The following MGMT variants were observed in gnomAD, a reference collection of about 807,000 sequenced individuals.
MGMT encodes O-6-methylguanine-DNA methyltransferase.
A neutral mutation model predicts 15.9 loss-of-function variants in MGMT; 14 were observed. The ratio of observed to expected loss-of-function variants is 0.88; its 90% confidence interval spans 0.58 to 1.37. The LOEUF (loss-of-function observed/expected upper bound fraction) is 1.37, where lower values mean the gene tolerates loss of function less well. Ranked by LOEUF, MGMT falls within the 40% of genes most tolerant of loss-of-function variation. The pLI, the probability that MGMT is intolerant of heterozygous loss-of-function variation, is 0.00. For missense variants in MGMT, 282 were observed against 268.1 expected, an observed-to-expected ratio of 1.05 and a Z score of -0.36; for synonymous variants, 130 against 118.2, an observed-to-expected ratio of 1.10 and a Z score of -0.65.
intron 3 of MGMT, among the ~76,000 whole-genome samples, chr10:129,718,140 C>G (rs1250689278): frequency 6.6e-6 from 1 of 152,180 alleles, no homozygotes; most frequent in Non-Finnish European, 1.5e-5. Flanking sequence ...GTTTTAAGGC[C>G]AGGACTTCTA....
At chr10:129,488,002 T>TACACACAC (rs1491199847) in intron 1 of MGMT, among the ~76,000 whole-genome samples, 4 of 75,786 alleles carry the variant, frequency 5.3e-5, no homozygotes, top group African/African-American at 1.3e-4. Flanking sequence ...CACACATAGG[T>TACACACAC]ATACACACAC....
At chr10:129,721,351 G>A (rs1194359022) in intron 3 of MGMT, among the ~76,000 whole-genome samples, 1 of 152,238 alleles carries the variant, frequency 6.6e-6, no homozygotes, top group South Asian at 2.1e-4. Flanking sequence ...AATTCCAGAG[G>A]TCTGCATGGT....
At chr10:129,541,998 C>G (rs1355975339) in intron 2 of MGMT, among the ~76,000 whole-genome samples, 2 of 152,122 alleles carry the variant, frequency 1.3e-5, no homozygotes, top group South Asian at 2.1e-4. Flanking sequence ...CTGGCCTGAC[C>G]CTAGACCCTC....
In MGMT at chr10:129,486,867, G is replaced by A. The variant is rs370703545; in HGVS notation, c.-13+19571G>A. 2.6e-3 allele frequency among the ~76,000 whole-genome samples: 393 copies of A among 152,352 alleles called. 1 individual carries two copies. The highest frequency in any genetic ancestry group is 9.0e-3 in the African/African-American group (376 of 41,582). On this transcript the variant is annotated intron_variant, in intron 1 of 4. Coordinates refer to ENST00000651593, the MANE Select transcript of MGMT (RefSeq NM_002412.5). ...AAATGAGACCAGACAGAAGAAGAGT[G>A]TATTCTTTCCTGCTAGAACTCGCAC...
intron 1 of MGMT, among the ~76,000 whole-genome samples, chr10:129,530,439 C>G (rs1845918135): frequency 6.6e-6 from 1 of 152,190 alleles, no homozygotes; most frequent in African/African-American, 2.4e-5. Flanking sequence ...ACATTTGTCT[C>G]CTTCCAGTTT....
At position 129,622,805 on chromosome 10, in the gene MGMT, A is replaced by G. The variant is rs553634284; in HGVS notation, c.126-85090A>G. Among the ~76,000 whole-genome samples, 132 of 151,152 alleles carry G rather than the reference A, an allele frequency of 8.7e-4. 1 individual carries two copies. The highest frequency in any genetic ancestry group is 1.9e-3 in the African/African-American group (76 of 40,650). ...ATAAATGGCCTGTAAAAAAAAAAAG[A>G]AAGTATTTAGAGTTAGTGAGTTGAG... On this transcript the variant is annotated intron_variant, in intron 2 of 4. Coordinates refer to ENST00000651593, the MANE Select transcript of MGMT (RefSeq NM_002412.5).
At chr10:129,613,767 T>C (rs1167367636) in intron 2 of MGMT, among the ~76,000 whole-genome samples, 2 of 152,224 alleles carry the variant, frequency 1.3e-5, no homozygotes, top group Non-Finnish European at 2.9e-5. Context: ...TGGGCGCCTC[T>C]GCCCAGCGTC....
chr10:129,534,079 G>A lies in MGMT; in HGVS notation c.-12-2162G>A, dbSNP rs139274588. On this transcript the variant is annotated intron_variant, in intron 1 of 4. Transcript: ENST00000651593. ...CATACGTTCCCTCTAAACTCGTGCC[G>A]ACGTTGTGATTTGGTCTGATTTATC... Among the ~76,000 whole-genome samples, 913 of 152,300 alleles carry A rather than the reference G, an allele frequency of 6.0e-3. 5 individuals are homozygous for A. Among genetic ancestry groups the A allele is most frequent in the Non-Finnish European group, 9.1e-3 (618 of 68,034 alleles).
chr10:129,756,359 G>A (rs1848805857), intron 3 of MGMT, among the ~76,000 whole-genome samples: 1 of 152,202 alleles, frequency 6.6e-6, no homozygotes, highest in Non-Finnish European at 1.5e-5. Flanking sequence ...GGTAAGAGAG[G>A]AACATCCAGA....
chr10:129,550,447 T>G (rs1199554102), intron 2 of MGMT, among the ~76,000 whole-genome samples: 2 of 57,460 alleles, frequency 3.5e-5, no homozygotes, highest in Non-Finnish European at 6.4e-5. Context: ...GTGTTTTGAT[T>G]CTTTTTTTTT....
chr10:129,513,849 G>A (rs1045888952), intron 1 of MGMT, among the ~76,000 whole-genome samples: 1 of 152,202 alleles, frequency 6.6e-6, no homozygotes, highest in Non-Finnish European at 1.5e-5. Context: ...TACAGTCAGT[G>A]TGCAGTAAGT....
intron 2 of MGMT, among the ~76,000 whole-genome samples, chr10:129,628,538 C>G (rs899569231): frequency 6.6e-6 from 1 of 152,120 alleles, no homozygotes; most frequent in Non-Finnish European, 1.5e-5. Context: ...TGTGCATCTC[C>G]GTGCTCACCT....
intron 1 of MGMT, among the ~76,000 whole-genome samples, chr10:129,522,228 A>C (rs1218290689): frequency 6.6e-6 from 1 of 152,196 alleles, no homozygotes; most frequent in Non-Finnish European, 1.5e-5. Flanking sequence ...TAGCATTTGT[A>C]GAATGCACCA....
intron 2 of MGMT, among the ~76,000 whole-genome samples, chr10:129,676,727 T>C (rs1847790244): frequency 6.7e-6 from 1 of 150,016 alleles, no homozygotes; most frequent in South Asian, 2.1e-4. Context: ...GGAAATGAAA[T>C]TTTCTATCTC....
intron 4 of MGMT, among the ~76,000 whole-genome samples, chr10:129,763,577 T>C (rs552154658): frequency 2.0e-5 from 3 of 152,274 alleles, no homozygotes; most frequent in East Asian, 3.9e-4. Flanking sequence ...CATAGCTCAT[T>C]GAGAGGGAGA....
chr10:129,472,635 T>C (rs1845245360), intron 1 of MGMT, among the ~76,000 whole-genome samples: 1 of 152,050 alleles, frequency 6.6e-6, no homozygotes, highest in Non-Finnish European at 1.5e-5. Flanking sequence ...TTGAGCAGAG[T>C]TACTTAACCT....
rs371523601 is a variant in MGMT, at chr10:129,618,542, T to C, written c.125+82165T>C. ...GGATTAATTAGTATAGAAAAACCTG[T>C]GATTTTCATTCAACTGCATTCAATC... On this transcript the variant is annotated intron_variant, in intron 2 of 4. Transcript: ENST00000651593. Among the ~76,000 whole-genome samples the C allele has an allele frequency of 6.6e-5, 10 of 152,128 alleles. No individual in the cohort carries two copies. The East Asian group carries it at 1.9e-3, about 29-fold the overall frequency.
chr10:129,525,913 G>A (rs552199182), intron 1 of MGMT, among the ~76,000 whole-genome samples: 1 of 152,310 alleles, frequency 6.6e-6, no homozygotes, highest in Non-Finnish European at 1.5e-5. Context: ...GCTTTGGGGT[G>A]GCGTTTGGGA....
At chr10:129,759,771 A>C (rs1848851037) in intron 4 of MGMT, among the ~76,000 whole-genome samples, 1 of 151,968 alleles carries the variant, frequency 6.6e-6, no homozygotes, top group Non-Finnish European at 1.5e-5. Flanking sequence ...TCCTAGCAGG[A>C]TGGCCAAGCA....
Sources: allele counts gnomAD v4.1 joint callset (sites outside exome capture counted in the v4.1 genomes callset), GRCh38; gene constraint gnomAD v4.1.1; transcripts MANE v1.5; gene names NCBI Gene and HGNC (gene_info 2026-07-23, HGNC 2026-07-21).